The following SEMA5A variants were observed in gnomAD, a reference collection of about 807,000 sequenced individuals.
SEMA5A encodes the protein semaphorin-5A.
A neutral mutation model predicts 135.5 loss-of-function variants in SEMA5A; 55 were observed. That is an observed-to-expected ratio of 0.41 (90% confidence interval 0.33 to 0.51). The LOEUF is 0.51. SEMA5A is among the 20% of genes least tolerant of loss of function. SEMA5A has a pLI of 0.37. For missense variants in SEMA5A, 1,290 were observed against 1,419.9 expected, an observed-to-expected ratio of 0.91 and a Z score of 1.47; for synonymous variants, 580 against 546.5, an observed-to-expected ratio of 1.06 and a Z score of -0.85.
chr5:9,085,150 A>G (rs2150111525), intron 16 of SEMA5A, among the ~76,000 whole-genome samples: 1 of 152,200 alleles, frequency 6.6e-6, no homozygotes, highest in Non-Finnish European at 1.5e-5. Flanking sequence ...TCCGTTTTAT[A>G]AGGGAGGCAG....
intron 16 of SEMA5A, among the ~76,000 whole-genome samples, chr5:9,088,233 G>A (rs1738812987): frequency 6.6e-6 from 1 of 151,444 alleles, no homozygotes; most frequent in East Asian, 1.9e-4. Context: ...GAACCCAGGA[G>A]GCAGAGGTTG....
chr5:9,247,482 T>C lies in SEMA5A; in HGVS notation c.271-9592A>G, dbSNP rs141180626. On this transcript the variant is annotated intron_variant, in intron 5 of 22. Transcript: ENST00000382496. ...CATACCTGATTACTTTCTCTAGAGT[T>C]CTGGGTTAATATCTATGCACTAGAC... is the stretch of plus-strand genomic sequence containing the variant. Among the ~76,000 whole-genome samples the C allele has an allele frequency of 5.1e-4, 78 of 152,326 alleles. 1 individual carries two copies. Among genetic ancestry groups the C allele is most frequent in the African/African-American group, 1.6e-3 (68 of 41,586 alleles).
chr5:9,311,663 C>T (rs1354687583), intron 5 of SEMA5A, among the ~76,000 whole-genome samples: 2 of 151,950 alleles, frequency 1.3e-5, no homozygotes, highest in Non-Finnish European at 2.9e-5. Flanking sequence ...TTAATGGGTA[C>T]AGCACACCAA....
In SEMA5A at chr5:9,132,035, A is replaced by G. The variant is rs2150208200; in HGVS notation, c.1599+4469T>C. ...GTCTAGATATGCCAATTTAGATTTT[A>G]CTGATGCACTTCAAATCTCTTAAAC... On this transcript the variant is annotated intron_variant, in intron 13 of 22. Transcript: ENST00000382496. Among the ~76,000 whole-genome samples the G allele has an allele frequency of 1.3e-5, 2 of 152,348 alleles. 1 individual carries two copies. Among genetic ancestry groups the G allele is most frequent in the Admixed American group, 1.3e-4 (2 of 15,304 alleles).
intron 5 of SEMA5A, among the ~76,000 whole-genome samples, chr5:9,298,194 A>G (rs1773390260): frequency 1.3e-5 from 2 of 151,620 alleles, no homozygotes; most frequent in African/African-American, 4.9e-5. Context: ...GTGTCCTATG[A>G]AAAAGGGAAA....
intron 1 of SEMA5A, among the ~76,000 whole-genome samples, chr5:9,440,030 T>C (rs951521907): frequency 1.3e-5 from 2 of 152,266 alleles, no homozygotes; most frequent in Non-Finnish European, 2.9e-5. Flanking sequence ...GTTGGGACTT[T>C]CTGCTCCTGA....
chr5:9,209,918 C>T (rs1294891516), intron 8 of SEMA5A, among the ~76,000 whole-genome samples: 1 of 152,180 alleles, frequency 6.6e-6, no homozygotes, highest in East Asian at 1.9e-4. Context: ...TAACATTAGT[C>T]ATCAGGCAAG....
intron 3 of SEMA5A, among the ~76,000 whole-genome samples, chr5:9,348,947 C>T (rs573526994): frequency 4.3e-4 from 65 of 152,198 alleles, no homozygotes; most frequent in Non-Finnish European, 7.3e-4. Context: ...GACAATAAAT[C>T]ATTTGCTTAA....
At chr5:9,196,742 A>G (rs1226771841) in intron 10 of SEMA5A, among the ~76,000 whole-genome samples, 2 of 152,128 alleles carry the variant, frequency 1.3e-5, no homozygotes, top group East Asian at 3.9e-4. Context: ...CCAACAGGGA[A>G]TCCCACCACA....
intron 15 of SEMA5A, among the ~76,000 whole-genome samples, chr5:9,109,694 G>A (rs1326069099): frequency 2.0e-5 from 3 of 151,982 alleles, no homozygotes; most frequent in African/African-American, 7.3e-5. Context: ...AATCCTGCAG[G>A]GCCTATGCAA....
chr5:9,274,191 C>T (rs1377291794), intron 5 of SEMA5A, among the ~76,000 whole-genome samples: 5 of 152,012 alleles, frequency 3.3e-5, no homozygotes, highest in Non-Finnish European at 7.4e-5. Flanking sequence ...GGTTGCAATG[C>T]TAGTCTCTGA....
At chr5:9,161,514 T>C (rs1187635799) in intron 11 of SEMA5A, among the ~76,000 whole-genome samples, 1 of 152,248 alleles carries the variant, frequency 6.6e-6, no homozygotes, top group East Asian at 1.9e-4. Flanking sequence ...GTAATCAATA[T>C]AAAATATTTG....
intron 21 of SEMA5A, among the ~76,000 whole-genome samples, chr5:9,048,181 G>T (rs542599706): frequency 6.6e-6 from 1 of 152,224 alleles, no homozygotes; most frequent in East Asian, 1.9e-4. Flanking sequence ...CCTAACCAGG[G>T]CTACTGTGGC....
intron 18 of SEMA5A, among the ~76,000 whole-genome samples, chr5:9,060,550 GGAC>G (rs1166494516): frequency 1.3e-5 from 2 of 152,156 alleles, no homozygotes; most frequent in East Asian, 3.9e-4. Flanking sequence ...CCCCAGAGGA[GGAC>G]TCCTTTTACT....
chr5:9,063,136 G>T, intron 17 of SEMA5A, 31 bp from the exon 18 acceptor site: 1 of 1,578,962 alleles, frequency 6.3e-7, no homozygotes, highest in Non-Finnish European at 8.6e-7. Flanking sequence ...GTGTGATTCT[G>T]TTACAAGTTT....
chr5:9,513,806 T>G (rs978745785), intron 1 of SEMA5A, among the ~76,000 whole-genome samples: 1 of 152,232 alleles, frequency 6.6e-6, no homozygotes, highest in Non-Finnish European at 1.5e-5. Context: ...ATTATACATT[T>G]AAACATTAAT....
chr5:9,243,955 C>A (rs1280120391), intron 5 of SEMA5A, among the ~76,000 whole-genome samples: 3 of 152,182 alleles, frequency 2.0e-5, no homozygotes, highest in East Asian at 3.9e-4. Context: ...AAGTTCAGAG[C>A]TGTTGGCATT....
intron 11 of SEMA5A, among the ~76,000 whole-genome samples, chr5:9,164,231 T>G (rs1420602863): frequency 7.0e-6 from 1 of 143,738 alleles, no homozygotes; most frequent in Non-Finnish European, 1.5e-5. Context: ...ATATAGCATA[T>G]AAATATTTAT....
chr5:9,491,262 G>A (rs1434562547), intron 1 of SEMA5A, among the ~76,000 whole-genome samples: 1 of 152,136 alleles, frequency 6.6e-6, no homozygotes, highest in Non-Finnish European at 1.5e-5. Context: ...ATGAACAGGA[G>A]AGCACAGGGG....
Sources: allele counts gnomAD v4.1 joint callset (sites outside exome capture counted in the v4.1 genomes callset), GRCh38; gene constraint gnomAD v4.1.1; transcripts MANE v1.5; gene names NCBI Gene and HGNC (gene_info 2026-07-23, HGNC 2026-07-21).